The following GLI2 variants were observed in gnomAD, a reference collection of about 807,000 sequenced individuals.
GLI2 encodes transcription activator GLI2.
GLI2 carries 22 observed loss-of-function variants against 78.9 expected under a neutral mutation model. The ratio of observed to expected loss-of-function variants is 0.28; its 90% CI spans 0.20 to 0.40. GLI2 has a LOEUF of 0.40. Ranked by LOEUF, GLI2 falls within the 10% of genes least tolerant of loss-of-function variation. The pLI is 1.00. For synonymous variants in GLI2, 974 were observed against 963.7 expected (o/e 1.01, Z -0.20); for missense variants, 2,097 against 2,213.2 (o/e 0.95, Z 1.05).
At chr2:120,797,516 T>C (rs771438734) in intron 2 of GLI2, 48 bp downstream of exon 2, 10 of 1,566,812 alleles carry the variant, frequency 6.4e-6, no homozygotes, top group Non-Finnish European at 8.8e-6. Flanking sequence ...TGTTTTTCAT[T>C]AGCCCGTTAG....
chr2:120,785,935 G>T (rs1175390931), intron 1 of GLI2, among the ~76,000 whole-genome samples: 2 of 152,228 alleles, frequency 1.3e-5, no homozygotes, highest in African/African-American at 4.8e-5. Context: ...ATTGGCAAAG[G>T]ACTGCTTGGG....
chr2:120,873,459 TG>T (rs1180224368), intron 2 of GLI2, among the ~76,000 whole-genome samples: 1 of 152,246 alleles, frequency 6.6e-6, no homozygotes, highest in East Asian at 1.9e-4. Flanking sequence ...ACCTCTTTGC[TG>T]TCTGGCCTAG....
chr2:120,907,476 G>C (rs1678591839), intron 2 of GLI2, among the ~76,000 whole-genome samples: 1 of 152,220 alleles, frequency 6.6e-6, no homozygotes, highest in Admixed American at 6.5e-5. Context: ...ATCCCACAGG[G>C]CTCATTTATC....
chr2:120,752,424 G>A (rs1486714517), intron 1 of GLI2, among the ~76,000 whole-genome samples: 1 of 151,846 alleles, frequency 6.6e-6, no homozygotes, highest in Admixed American at 6.6e-5. Context: ...CATCTGCCAC[G>A]ATGCTCGGCT....
rs116140953 is a variant in GLI2, at chr2:120,960,118, C to T, written c.643+4688C>T. 8.6e-3 allele frequency among the ~76,000 whole-genome samples: 1,307 copies of T among 152,274 alleles called. 17 individuals carry two copies. The highest frequency in any genetic ancestry group is 0.028 in the African/African-American group (1,166 of 41,552). On this transcript the variant is annotated intron_variant, in intron 5 of 13. Coordinates refer to ENST00000361492, the MANE Select transcript of GLI2 (RefSeq NM_001374353.1). The stretch of plus-strand genomic sequence containing the variant: ...TTGGGCACCTTCTATTTACCAGGCT[C>T]GGTTCTAGGTCTAGGGACGCAACGC...
intron 2 of GLI2, among the ~76,000 whole-genome samples, chr2:120,837,186 A>G (rs1390695725): frequency 6.6e-6 from 1 of 152,104 alleles, no homozygotes; most frequent in Non-Finnish European, 1.5e-5. Flanking sequence ...CGAGGTCAGG[A>G]GATCGAGACC....
At chr2:120,750,694 G>A (rs1345896094) in intron 1 of GLI2, among the ~76,000 whole-genome samples, 1 of 152,192 alleles carries the variant, frequency 6.6e-6, no homozygotes, top group African/African-American at 2.4e-5. Flanking sequence ...TTTAGCACGC[G>A]CTGCTGGTTT....
chr2:120,822,399 G>A (rs1044830566), intron 2 of GLI2, among the ~76,000 whole-genome samples: 1 of 152,204 alleles, frequency 6.6e-6, no homozygotes, highest in Non-Finnish European at 1.5e-5. Flanking sequence ...GGGCCCTAAG[G>A]CTCCAGAACC....
rs5833850 is a variant in GLI2 at position 120,740,437 on chromosome 2, T to TAA, written c.-31+4164_-31+4165dup. On this transcript the variant is annotated intron_variant, in intron 1 of 13. Coordinates refer to ENST00000361492, the MANE Select transcript of GLI2 (RefSeq NM_001374353.1). ...TGTGTGCTTGCACATGTGTGTTGTT[T>TAA]AAAAAAAAAAAAACAGGTTGCTGGG... Among the ~76,000 whole-genome samples the TAA allele has an allele frequency of 2.4e-3, 359 of 147,606 alleles. 1 individual carries two copies. Among genetic ancestry groups the TAA allele is most frequent in the African/African-American group, 7.0e-3 (283 of 40,406 alleles).
intron 2 of GLI2, among the ~76,000 whole-genome samples, chr2:120,909,732 G>T (rs1678721289): frequency 6.6e-6 from 1 of 152,174 alleles, no homozygotes; most frequent in South Asian, 2.1e-4. Flanking sequence ...GGGAGTGGTG[G>T]TGGGCGCCTG....
At chr2:120,924,215 G>A (rs1408509753) in intron 2 of GLI2, among the ~76,000 whole-genome samples, 2 of 152,178 alleles carry the variant, frequency 1.3e-5, no homozygotes, top group African/African-American at 4.8e-5. Flanking sequence ...CCCAGGAGCT[G>A]GTATTTGCCA....
At position 120,984,594 on chromosome 2, in the gene GLI2, G is replaced by A. The variant is rs752945007; in HGVS notation, c.1756G>A (p.Val586Met). The change falls in exon 12 of 14, where the codon GTG (valine) becomes ATG (methionine). Residue 586 changes from valine to methionine, a missense_variant. By Grantham distance (21) the Val-to-Met change is conservative. Coordinates refer to ENST00000361492, the MANE Select transcript of GLI2 (RefSeq NM_001374353.1). Reference protein sequence around the residue: ...AHVTKKQRNDVHLRTPLLKEN... With the variant: ...AHVTKKQRNDMHLRTPLLKEN... The stretch of plus-strand genomic sequence containing the variant: ...CGTCACCAAGAAGCAGCGCAATGAC[G>A]TGCACCTCCGCACACCGCTGCTCAA... 1.1e-5 allele frequency: 17 copies of A among 1,614,196 alleles called. No homozygotes were observed. The highest frequency in any genetic ancestry group is 2.2e-5 in the East Asian group (1 of 44,888).
At chr2:120,834,051 C>G (rs1686490379) in intron 2 of GLI2, among the ~76,000 whole-genome samples, 1 of 152,130 alleles carries the variant, frequency 6.6e-6, no homozygotes, top group South Asian at 2.1e-4. Flanking sequence ...GTGCTCAGTC[C>G]CCCGCCCCCA....
intron 1 of GLI2, among the ~76,000 whole-genome samples, chr2:120,743,656 A>G (rs1470598526): frequency 2.6e-5 from 4 of 152,322 alleles, no homozygotes; most frequent in Admixed American, 6.5e-5. Context: ...AAAGATAATT[A>G]GCCCGAACCC....
intron 2 of GLI2, among the ~76,000 whole-genome samples, chr2:120,839,964 T>C (rs905462773): frequency 1.4e-4 from 22 of 152,240 alleles, no homozygotes; most frequent in African/African-American, 5.3e-4. Context: ...TCTTTTATAA[T>C]GATGTCATTA....
chr2:120,765,577 G>C (rs912700732), intron 1 of GLI2, among the ~76,000 whole-genome samples: 1 of 152,202 alleles, frequency 6.6e-6, no homozygotes, highest in African/African-American at 2.4e-5. Context: ...GGCTGGAAGG[G>C]CCCCTCAGGA....
intron 3 of GLI2, among the ~76,000 whole-genome samples, chr2:120,944,456 T>C (rs1558902798): frequency 6.6e-6 from 1 of 152,234 alleles, no homozygotes; most frequent in Non-Finnish European, 1.5e-5. Context: ...ACCAAAGCCA[T>C]GATTCAGACC....
chr2:120,864,688 C>G (rs1180569858), intron 2 of GLI2, among the ~76,000 whole-genome samples: 1 of 152,178 alleles, frequency 6.6e-6, no homozygotes, highest in Admixed American at 6.5e-5. Flanking sequence ...ACCTCGTAAT[C>G]CACCCACGTT....
Position 120,988,191 on chromosome 2 carries a change from C to T in GLI2, c.2243-17C>T, listed in dbSNP as rs1332661213. The T allele has an allele frequency of 5.1e-6, 8 of 1,582,782 alleles. No homozygotes were observed. The highest frequency in any genetic ancestry group is 6.8e-6 in the Non-Finnish European group (8 of 1,168,208). On this transcript the variant is annotated splice_polypyrimidine_tract_variant and intron_variant, in intron 13 of 13. Transcript: ENST00000361492. ...ACCCACCCTTGTCCCGGTGCTGACC[C>T]CTCTGCTCTCCCGCAGGCTCCATCC... is the stretch of plus-strand genomic sequence containing the variant.
Sources: gnomAD v4.1 joint callset for allele counts (sites outside exome capture counted in the v4.1 genomes callset) on GRCh38, gnomAD v4.1.1 for gene constraint, MANE v1.5 for transcripts, NCBI Gene and HGNC (gene_info 2026-07-23, HGNC 2026-07-21) for gene names.